The following NRG1 variants were observed in gnomAD, a reference collection of about 807,000 sequenced individuals.
The protein encoded by NRG1 is neuregulin 1, also known as pro-neuregulin-1, membrane-bound isoform.
NRG1 carries 18 observed loss-of-function variants against 63.8 expected under a neutral mutation model. That is an observed-to-expected ratio of 0.28 (90% CI 0.19 to 0.42). The LOEUF (loss-of-function observed/expected upper bound fraction) is 0.42. NRG1 is among the 10% of genes least tolerant of loss of function. The pLI, the probability that NRG1 is intolerant of heterozygous loss-of-function variation, is 1.00. For missense variants in NRG1, 762 were observed against 814.7 expected (o/e 0.94, Z 0.79); for synonymous variants, 302 against 301.3 (o/e 1.00, Z -0.02).
chr8:32,352,740 G>A (rs1024491529), intron 1 of NRG1, among the ~76,000 whole-genome samples: 1 of 151,972 alleles, frequency 6.6e-6, no homozygotes. Context: ...AATTAGCTGG[G>A]CATGGTGGCA....
intron 1 of NRG1, among the ~76,000 whole-genome samples, chr8:32,220,665 C>T (rs1464358706): frequency 6.6e-6 from 1 of 152,222 alleles, no homozygotes; most frequent in Non-Finnish European, 1.5e-5. Context: ...TCCCACCAGC[C>T]ATGCTGCAGA....
chr8:31,864,750 G>A (rs1239175047), intron 1 of NRG1, among the ~76,000 whole-genome samples: 1 of 152,184 alleles, frequency 6.6e-6, no homozygotes, highest in African/African-American at 2.4e-5. Context: ...GAAGAACTGG[G>A]AGGTGGCCTG....
At chr8:31,639,628 C>T in intron 1 of NRG1, 2 of 1,410,678 alleles carry the variant, frequency 1.4e-6, no homozygotes, top group African/African-American at 3.0e-5. Context: ...TCCACGTCCT[C>T]CTCCGGTGAC....
At chr8:32,760,293 T>C (rs1348380163) in exon 11 of NRG1, 3 of 1,613,916 alleles carry the variant, frequency 1.9e-6, no homozygotes, top group Non-Finnish European at 2.5e-6. Context: ...GCAGCCCAAC[T>C]GGGGGCCCAA....
chr8:32,077,810 A>C (rs1484781702), intron 1 of NRG1, among the ~76,000 whole-genome samples: 1 of 152,120 alleles, frequency 6.6e-6, no homozygotes, highest in Non-Finnish European at 1.5e-5. Flanking sequence ...TGAGAAGGGT[A>C]GGCAGTTTGA....
chr8:32,749,400 C>T (rs1828229199), intron 7 of NRG1: 1 of 748,206 alleles, frequency 1.3e-6, no homozygotes, highest in African/African-American at 1.7e-5. Flanking sequence ...AGAGGCGTAC[C>T]TGAGCACTGC....
At chr8:32,377,409 ATCTAAATATAAGACCACTTGTC>A (rs1355857569) in intron 1 of NRG1, among the ~76,000 whole-genome samples, 3 of 152,212 alleles carry the variant, frequency 2.0e-5, no homozygotes, top group Non-Finnish European at 4.4e-5. Context: ...TGCTACTTGT[ATCTAAATATAAGACCACTTGTC>A]TCTGCACAGA....
intron 1 of NRG1, among the ~76,000 whole-genome samples, chr8:32,529,351 G>C (rs562959636): frequency 1.3e-5 from 2 of 152,148 alleles, no homozygotes; most frequent in African/African-American, 2.4e-5. Flanking sequence ...GTAAGTGACC[G>C]TGAAGGCCCA....
chr8:32,075,865 G>C (rs917408645), intron 1 of NRG1, among the ~76,000 whole-genome samples: 4 of 152,140 alleles, frequency 2.6e-5, no homozygotes, highest in African/African-American at 9.7e-5. Flanking sequence ...TAGAGACGGG[G>C]TTTCGCCGTC....
chr8:31,847,197 T>G (rs1455202095), intron 1 of NRG1, among the ~76,000 whole-genome samples: 2 of 152,188 alleles, frequency 1.3e-5, no homozygotes, highest in Non-Finnish European at 2.9e-5. Flanking sequence ...ATCTTTCCAG[T>G]TTTTCAAGAT....
In NRG1 at chr8:32,728,150, G is replaced by A. The variant is rs1221824184; in HGVS notation, c.632+72G>A. 8 of 1,577,566 alleles carry A rather than the reference G, an allele frequency of 5.1e-6. No individual in the cohort carries two copies. The East Asian group carries it at 1.4e-4, about 27-fold the overall frequency. ...TTCAGATGATTCTATGTCTCATGAT[G>A]TATTGTTGCTTTTTTTCCAATTTTG... is the stretch of plus-strand genomic sequence containing the variant. On this transcript the variant is annotated intron_variant, in intron 6 of 11. Coordinates refer to ENST00000356819, the Ensembl canonical transcript of NRG1.
chr8:31,805,582 A>G (rs1219076064), intron 1 of NRG1, among the ~76,000 whole-genome samples: 1 of 152,060 alleles, frequency 6.6e-6, no homozygotes, highest in African/African-American at 2.4e-5. Context: ...TAATCCCAGC[A>G]CTTTGGGAGG....
At chr8:31,725,466 A>ATGT (rs10650647) in intron 1 of NRG1, among the ~76,000 whole-genome samples, 147,415 of 152,176 alleles carry the variant, frequency 0.97, 71,563 homozygotes, top group East Asian at 1. Flanking sequence ...ATACAGATAG[A>ATGT]TGTCAGCATT....
intron 1 of NRG1, among the ~76,000 whole-genome samples, chr8:32,186,503 A>G (rs956339008): frequency 5.3e-5 from 8 of 151,976 alleles, no homozygotes; most frequent in Middle Eastern, 3.2e-3. Context: ...AGAAAAAAAA[A>G]GAAAGAAAGA....
intron 1 of NRG1, among the ~76,000 whole-genome samples, chr8:31,790,146 T>C (rs1357410343): frequency 2.6e-5 from 4 of 152,216 alleles, no homozygotes; most frequent in South Asian, 4.1e-4. Flanking sequence ...TCAGGCATTA[T>C]AAATTGGGAA....
At chr8:31,927,467 G>C (rs1255013119) in intron 1 of NRG1, among the ~76,000 whole-genome samples, 2 of 41,374 alleles carry the variant, frequency 4.8e-5, no homozygotes, top group Admixed American at 2.3e-4. Context: ...TTTTTTTTTT[G>C]AGACGGAGTC....
chr8:32,303,211 A>T (rs1198148226), intron 1 of NRG1, among the ~76,000 whole-genome samples: 1 of 148,106 alleles, frequency 6.8e-6, no homozygotes, highest in Non-Finnish European at 1.5e-5. Context: ...AAAAAAAGAG[A>T]AAAGAAAGAA....
chr8:32,004,288 G>A (rs1177272764), intron 1 of NRG1, among the ~76,000 whole-genome samples: 2 of 151,842 alleles, frequency 1.3e-5, no homozygotes, highest in Non-Finnish European at 2.9e-5. Context: ...GGCATATTGA[G>A]GGCAGTGAAA....
chr8:32,518,047 T>TA lies in NRG1; in HGVS notation c.38-77773dup, dbSNP rs200222818. Among the ~76,000 whole-genome samples the TA allele has an allele frequency of 1.6e-3, 248 of 151,830 alleles. 6 individuals are homozygous for TA. In the South Asian group the frequency reaches 0.033, roughly 20 times the overall value. On this transcript the variant is annotated intron_variant, in intron 1 of 10. Transcript: ENST00000519301. Reference sequence around the variant, plus strand: ...TGGATGTCAAGATCTAAGGAAAAGATAAAAAAAATAGAACCACCACCAAAT... The same window carrying TA: ...TGGATGTCAAGATCTAAGGAAAAGATAAAAAAAAATAGAACCACCACCAAAT...
Sources: gnomAD v4.1 joint callset for allele counts (sites outside exome capture counted in the v4.1 genomes callset) on GRCh38, gnomAD v4.1.1 for gene constraint, MANE v1.5 for transcripts, NCBI Gene and HGNC (gene_info 2026-07-23, HGNC 2026-07-21) for gene names.